HTR7: variants seen among roughly 807,000 people sequenced by gnomAD.
HTR7 encodes the protein 5-HT-7.
HTR7 carries 16 observed loss-of-function variants against 34.0 expected under a neutral mutation model. The observed-to-expected ratio is 0.47, with a 90% CI of 0.32 to 0.71. HTR7 has a LOEUF of 0.71. Among genes scored for constraint, HTR7 ranks in the 30% least tolerant of loss-of-function variants. The probability of loss-of-function intolerance (pLI) is 0.04; values close to 1 mark genes in which losing one functional copy is unlikely to be tolerated. For synonymous variants in HTR7, 265 were observed against 260.2 expected, an observed-to-expected ratio of 1.02 and a Z score of -0.18; for missense variants, 504 against 625.5, an observed-to-expected ratio of 0.81 and a Z score of 2.07.
chr10:90,840,547 A>C (rs1212830971), intron 1 of HTR7, among the ~76,000 whole-genome samples: 1 of 152,230 alleles, frequency 6.6e-6, no homozygotes, highest in Non-Finnish European at 1.5e-5. Context: ...TGTGTGACAC[A>C]GGCATGGAGT....
intron 1 of HTR7, among the ~76,000 whole-genome samples, chr10:90,846,994 T>C (rs1490332723): frequency 6.6e-6 from 1 of 152,250 alleles, no homozygotes; most frequent in Non-Finnish European, 1.5e-5. Flanking sequence ...ACTGCCTCTG[T>C]GTTCCTGGCA....
intron 2 of HTR7, among the ~76,000 whole-genome samples, chr10:90,746,675 A>C (rs1439134785): frequency 6.6e-6 from 1 of 152,178 alleles, no homozygotes; most frequent in African/African-American, 2.4e-5. Context: ...CCTACTTATC[A>C]AGACTAGTTT....
Position 90,749,652 on chromosome 10 carries a change from G to A in HTR7, c.540-58C>T. On this transcript the variant is annotated intron_variant, in intron 1 of 3. Transcript: ENST00000336152. The surrounding 1 kb of genome is among the most constrained non-coding windows in gnomAD (Gnocchi z 4.2). ...ACCGTGATCATAACTGGTCAACCAA[G>A]CAAGTCCTGCCAGCCAGGTACCAGC... 1 of 1,507,446 alleles carries A rather than the reference G, an allele frequency of 6.6e-7. No homozygotes were observed. Among genetic ancestry groups the A allele is most frequent in the African/African-American group, 1.4e-5 (1 of 72,664 alleles). 93.4% of individuals were successfully genotyped at this position (1,507,446 alleles called of 1,614,324 possible). A position where few individuals can be genotyped will look rare whatever the true frequency, so the allele number is the denominator to read the frequency against.
chr10:90,841,170 C>T (rs1564700336), intron 1 of HTR7, among the ~76,000 whole-genome samples: 1 of 152,152 alleles, frequency 6.6e-6, no homozygotes, highest in East Asian at 1.9e-4. Context: ...TGTAAAACAG[C>T]GATAATAAAA....
intron 1 of HTR7, among the ~76,000 whole-genome samples, chr10:90,855,517 A>G (rs1020404121): frequency 6.6e-6 from 1 of 152,244 alleles, no homozygotes. Flanking sequence ...GTTTTATTAC[A>G]CTAAGTTCCA....
intron 1 of HTR7, among the ~76,000 whole-genome samples, chr10:90,752,432 GT>G (rs1055266905): frequency 2.6e-5 from 4 of 151,950 alleles, no homozygotes; most frequent in African/African-American, 4.8e-5. Flanking sequence ...GAAAAAACTT[GT>G]TTTTTCAATA....
chr10:90,783,032 C>T (rs563553986), intron 1 of HTR7, among the ~76,000 whole-genome samples: 1 of 152,284 alleles, frequency 6.6e-6, no homozygotes, highest in Admixed American at 6.5e-5. Flanking sequence ...CTTACTGGGA[C>T]TGGAACTGTG....
At chr10:90,767,827 G>C (rs1845047066) in intron 1 of HTR7, among the ~76,000 whole-genome samples, 1 of 152,028 alleles carries the variant, frequency 6.6e-6, no homozygotes, top group Non-Finnish European at 1.5e-5. Flanking sequence ...GACTTCTTAT[G>C]TATCAGCTGG....
intron 1 of HTR7, among the ~76,000 whole-genome samples, chr10:90,795,648 G>A (rs919176575): frequency 1.3e-5 from 2 of 152,226 alleles, no homozygotes; most frequent in African/African-American, 4.8e-5. Flanking sequence ...AATCAATTTA[G>A]AAGGTTTGCT....
chr10:90,837,808 C>G (rs1414845772), intron 1 of HTR7, among the ~76,000 whole-genome samples: 3 of 152,158 alleles, frequency 2.0e-5, no homozygotes, highest in Admixed American at 6.5e-5. Flanking sequence ...TCTCTCCTTT[C>G]CTCTCATCTT....
chr10:90,813,668 C>G (rs879581290), intron 1 of HTR7, among the ~76,000 whole-genome samples: 1 of 152,164 alleles, frequency 6.6e-6, no homozygotes, highest in Non-Finnish European at 1.5e-5. Flanking sequence ...GACACACAAG[C>G]TAGAAGCTTG....
At chr10:90,831,790 G>A (rs143044209) in intron 1 of HTR7, among the ~76,000 whole-genome samples, 9,244 of 152,188 alleles carry the variant, frequency 0.061, 314 homozygotes, top group Non-Finnish European at 0.087. Context: ...ACAGAGTGTC[G>A]ACTGGTGTAT....
intron 1 of HTR7, among the ~76,000 whole-genome samples, chr10:90,759,187 CA>C (rs35551588): frequency 0.59 from 70,751 of 119,376 alleles, 18,763 homozygotes; most frequent in African/African-American, 0.68. Flanking sequence ...AACTCTGTCT[CA>C]AAAAAAAAAA....
intron 1 of HTR7, among the ~76,000 whole-genome samples, chr10:90,823,929 G>T (rs1469407378): frequency 6.6e-6 from 1 of 152,252 alleles, no homozygotes; most frequent in African/African-American, 2.4e-5. Context: ...TAAGTTTCCT[G>T]AGGTCTCCCA....
chr10:90,742,854 C>T (rs1172796340), intron 3 of HTR7, among the ~76,000 whole-genome samples: 1 of 152,054 alleles, frequency 6.6e-6, no homozygotes, highest in East Asian at 1.9e-4. Flanking sequence ...TTGCACCTGC[C>T]CCACTTGAAA....
chr10:90,793,972 C>T (rs1845497841), intron 1 of HTR7, among the ~76,000 whole-genome samples: 1 of 152,198 alleles, frequency 6.6e-6, no homozygotes, highest in African/African-American at 2.4e-5. Context: ...TCTAGCCACA[C>T]TGGCAGCTGA....
intron 1 of HTR7, among the ~76,000 whole-genome samples, chr10:90,846,872 C>T (rs1846419697): frequency 6.6e-6 from 1 of 152,180 alleles, no homozygotes; most frequent in South Asian, 2.1e-4. Flanking sequence ...AGGCAACCAG[C>T]AGTATCTACT....
In HTR7 at chr10:90,832,213, C is replaced by T. The variant is rs552778539; in HGVS notation, c.539+24920G>A. ...CTTGGGTGGTGGATGGGACCAGGCGCCGTGGAGCAGGGGGTGGCACTCGTC... is the reference window on the plus strand; with the variant it reads ...CTTGGGTGGTGGATGGGACCAGGCGTCGTGGAGCAGGGGGTGGCACTCGTC... On this transcript the variant is annotated intron_variant, in intron 1 of 3. Coordinates refer to ENST00000336152, the MANE Select transcript of HTR7 (RefSeq NM_019859.4). 8.5e-5 allele frequency among the ~76,000 whole-genome samples: 13 copies of T among 152,302 alleles called. No homozygotes were observed. In the East Asian group the frequency reaches 2.3e-3, roughly 27 times the overall value.
chr10:90,810,996 C>T (rs1220286037), intron 1 of HTR7, among the ~76,000 whole-genome samples: 3 of 152,172 alleles, frequency 2.0e-5, no homozygotes, highest in Non-Finnish European at 4.4e-5. Flanking sequence ...CCTAACAAAA[C>T]CATTATATAA....
Sources: gnomAD v4.1 joint callset for allele counts (sites outside exome capture counted in the v4.1 genomes callset) on GRCh38, gnomAD v4.1.1 for gene constraint, Gnocchi (gnomAD v3.1) non-coding constraint, MANE v1.5 for transcripts, NCBI Gene and HGNC (gene_info 2026-07-23, HGNC 2026-07-21) for gene names.